Variants in SYNRG observed in about 807,000 individuals in gnomAD.
The protein encoded by SYNRG is synergin gamma.
In SYNRG, 37 loss-of-function variants were observed where a neutral mutation model predicts 130.9. The ratio of observed to expected loss-of-function variants is 0.28; its 90% CI spans 0.22 to 0.37. SYNRG has a LOEUF of 0.37. Among genes scored for constraint, SYNRG ranks in the 10% least tolerant of loss-of-function variants. SYNRG has a pLI of 1.00. For synonymous variants in SYNRG, 539 were observed against 568.1 expected, an observed-to-expected ratio of 0.95 and a Z score of 0.73; for missense variants, 1,338 against 1,588.9, an observed-to-expected ratio of 0.84 and a Z score of 2.68.
chr17:37,535,565 C>T (rs896714721), intron 19 of SYNRG, among the ~76,000 whole-genome samples: 8 of 152,076 alleles, frequency 5.3e-5, no homozygotes, highest in Admixed American at 1.3e-4. Context: ...ATGAAAATGA[C>T]CCAAGAACCT....
Position 37,535,973 on chromosome 17 carries a change from G to T in SYNRG, c.3666+6C>A. On this transcript the variant is annotated splice_donor_region_variant and intron_variant, in intron 19 of 21. Coordinates refer to ENST00000612223, the MANE Select transcript of SYNRG (RefSeq NM_007247.6). Reference sequence around the variant, plus strand: ...AAGCAACTGCTGAGTTGTCTCATGGGCTTACTGTGAGTGTGGCGAGTGACA... The same window carrying T: ...AAGCAACTGCTGAGTTGTCTCATGGTCTTACTGTGAGTGTGGCGAGTGACA... The T allele has an allele frequency of 6.2e-7, 1 of 1,613,498 alleles. No individual in the cohort carries two copies.
intron 6 of SYNRG, among the ~76,000 whole-genome samples, chr17:37,580,234 C>T (rs2061184604): frequency 1.3e-5 from 2 of 151,716 alleles, no homozygotes; most frequent in African/African-American, 4.8e-5. Context: ...GCCCGATCCA[C>T]ACACTTGCAT....
At chr17:37,593,745 G>T (rs1297296992) in intron 3 of SYNRG, among the ~76,000 whole-genome samples, 1 of 151,932 alleles carries the variant, frequency 6.6e-6, no homozygotes, top group Non-Finnish European at 1.5e-5. Flanking sequence ...TTAGCCGGGC[G>T]TGGTGGCACA....
chr17:37,561,644 A>C (rs2059543579), intron 11 of SYNRG, 55 bp from the exon 12 acceptor site: 26 of 1,305,520 alleles, frequency 2.0e-5, no homozygotes, highest in Non-Finnish European at 2.7e-5. Context: ...TTTATCATCT[A>C]AAAGGAAGTT....
chr17:37,572,304 G>A (rs2060491312), intron 8 of SYNRG, among the ~76,000 whole-genome samples: 1 of 152,048 alleles, frequency 6.6e-6, no homozygotes, highest in Non-Finnish European at 1.5e-5. Flanking sequence ...GCATGTGCCT[G>A]TAAGCCCAGC....
intron 8 of SYNRG, 81 bp from the exon 9 acceptor site, chr17:37,572,068 G>C: frequency 3.2e-6 from 4 of 1,232,724 alleles, no homozygotes; most frequent in Non-Finnish European, 4.6e-6. Flanking sequence ...TGGTATACAA[G>C]AATAATCTTC....
At chr17:37,538,469 G>T in intron 17 of SYNRG, 49 bp from the exon 18 acceptor site, 2 of 1,357,960 alleles carry the variant, frequency 1.5e-6, no homozygotes, top group Non-Finnish European at 2.0e-6. Flanking sequence ...AAAAGTCATT[G>T]CAAATCAATT....
intron 19 of SYNRG, among the ~76,000 whole-genome samples, chr17:37,526,988 T>C (rs1444885855): frequency 6.6e-6 from 1 of 152,216 alleles, no homozygotes; most frequent in Non-Finnish European, 1.5e-5. Context: ...ATCCTGTCTC[T>C]AAAACATTGT....
chr17:37,542,594 GAGGCAAGCAATTT>G, intron 14 of SYNRG, 29 bp from the exon 15 acceptor site: 1 of 1,577,376 alleles, frequency 6.3e-7, no homozygotes. Flanking sequence ...CCCACAATTA[GAGGCAAGCAATTT>G]AGGCAAAATG....
In SYNRG at chr17:37,538,424, C is replaced by A. The variant is rs187355983; in HGVS notation, c.3421-4G>T. 1.3e-3 allele frequency: 2,006 copies of A among 1,593,936 alleles called. 5 individuals are homozygous for A. Among genetic ancestry groups the A allele is most frequent in the Non-Finnish European group, 1.6e-3 (1,842 of 1,169,298 alleles). On this transcript the variant is annotated splice_polypyrimidine_tract_variant and splice_region_variant and intron_variant, in intron 17 of 21. Coordinates refer to ENST00000612223, the MANE Select transcript of SYNRG (RefSeq NM_007247.6). ...TATCATTTGCCTTCTTAATGACCTA[C>A]AAGAAATGAAATCACATCACCTTAC...
intron 21 of SYNRG, 132 bp downstream of exon 21, chr17:37,520,047 G>C (rs1219114972): frequency 1.0e-6 from 1 of 973,048 alleles, no homozygotes; most frequent in African/African-American, 1.6e-5. Context: ...AAACATTATG[G>C]GAACAAAACT....
intron 10 of SYNRG, among the ~76,000 whole-genome samples, chr17:37,569,585 G>A (rs2060259624): frequency 2.7e-5 from 4 of 149,030 alleles, no homozygotes; most frequent in Admixed American, 2.0e-4. Context: ...AACCTGGGAG[G>A]CAGAGGTTGC....
chr17:37,577,611 G>A lies in SYNRG; in HGVS notation c.592C>T (p.Pro198Ser). The A allele has an allele frequency of 6.2e-7, 1 of 1,612,510 alleles. No homozygotes were observed. Among genetic ancestry groups the A allele is most frequent in the Non-Finnish European group, 8.5e-7 (1 of 1,178,924 alleles). ...ACTAGGAACTTCTCCTCCAAGGAAGGGCCTAAACAAAGAGCATGAAGGATT... is the reference window on the plus strand; with the variant it reads ...ACTAGGAACTTCTCCTCCAAGGAAGAGCCTAAACAAAGAGCATGAAGGATT... ...TPASHPKKPGPSLEEKFLVSC... is the reference protein window; with the variant it reads ...TPASHPKKPGSSLEEKFLVSC... Residue 198 changes from proline to serine, a missense_variant and splice_region_variant, in exon 7 of 22, where the codon CCT becomes TCT. This residue lies in a region of SYNRG where 1,146 missense variants were observed against 1,342.3 expected (regional missense o/e 0.85). Coordinates refer to ENST00000612223, the MANE Select transcript of SYNRG (RefSeq NM_007247.6).
chr17:37,588,730 C>G (rs2061896784), intron 3 of SYNRG, among the ~76,000 whole-genome samples: 1 of 144,480 alleles, frequency 6.9e-6, no homozygotes, highest in Non-Finnish European at 1.5e-5. Flanking sequence ...TATCACAGTC[C>G]TAGAATTATT....
At chr17:37,607,979 A>AAAAAAAAAAAAAAG (rs2063951002) in intron 1 of SYNRG, among the ~76,000 whole-genome samples, 1 of 145,506 alleles carries the variant, frequency 6.9e-6, no homozygotes, top group Non-Finnish European at 1.5e-5. Flanking sequence ...AAAAAAAAAA[A>AAAAAAAAAAAAAAG]ACAAGACAAA....
At chr17:37,585,757 T>C (rs549209501) in intron 4 of SYNRG, among the ~76,000 whole-genome samples, 6 of 152,314 alleles carry the variant, frequency 3.9e-5, no homozygotes, top group Non-Finnish European at 8.8e-5. Context: ...TTGCTCTGCA[T>C]ATTAAAAAAG....
chr17:37,565,876 A>G (rs371368988), intron 11 of SYNRG, among the ~76,000 whole-genome samples: 8,500 of 141,140 alleles, frequency 0.06, 1,207 homozygotes, highest in African/African-American at 0.22. Context: ...AGTGAGGAGC[A>G]TCTCTGCCCG....
At chr17:37,605,833 G>A (rs1254780851) in intron 1 of SYNRG, 8 of 985,132 alleles carry the variant, frequency 8.1e-6, no homozygotes, top group Non-Finnish European at 9.6e-6. Flanking sequence ...TATCTCATCC[G>A]TCCCTCCTTT....
intron 14 of SYNRG, among the ~76,000 whole-genome samples, chr17:37,546,291 G>A (rs1243102639): frequency 6.6e-6 from 1 of 152,130 alleles, no homozygotes; most frequent in African/African-American, 2.4e-5. Context: ...AGAAAATGGA[G>A]AATGAATGCA....
Sources: gnomAD v4.1 joint callset for allele counts (sites outside exome capture counted in the v4.1 genomes callset) on GRCh38, gnomAD v4.1.1 for gene constraint, gnomAD v4.1.1 regional missense constraint, MANE v1.5 for transcripts, NCBI Gene and HGNC (gene_info 2026-07-23, HGNC 2026-07-21) for gene names.